The following RBFOX1 variants were observed in gnomAD, a reference collection of about 807,000 sequenced individuals.
RBFOX1 encodes the protein RNA binding fox-1 homolog 1, also known as RNA binding protein fox-1 homolog 1.
Under a neutral mutation model 57.7 loss-of-function variants are expected in RBFOX1, and 8 were observed. The ratio of observed to expected loss-of-function variants is 0.14; its 90% CI spans 0.08 to 0.25. The LOEUF is 0.25. RBFOX1 is among the 10% of genes least tolerant of loss of function. The pLI is 1.00. For missense variants in RBFOX1, 611 were observed against 548.5 expected, an observed-to-expected ratio of 1.11 and a Z score of -1.14; for synonymous variants, 326 against 222.4, an observed-to-expected ratio of 1.47 and a Z score of -4.15.
intron 1 of RBFOX1, among the ~76,000 whole-genome samples, chr16:6,279,646 A>G (rs140127367): frequency 6.6e-6 from 1 of 152,294 alleles, no homozygotes; most frequent in African/African-American, 2.4e-5. Context: ...TAGGGAGAAG[A>G]GAAACATAAA....
chr16:6,828,903 C>T (rs1279750542), intron 3 of RBFOX1, among the ~76,000 whole-genome samples: 1 of 152,132 alleles, frequency 6.6e-6, no homozygotes, highest in East Asian at 1.9e-4. Flanking sequence ...GGTAGCAGCC[C>T]CAAATCCCCT....
rs370115661 is a variant in RBFOX1, at chr16:6,243,144, CTGTGTGTG to C, written c.-126-73835_-126-73828del. Among the ~76,000 whole-genome samples the C allele has an allele frequency of 8.2e-3, 1,202 of 147,406 alleles. 13 individuals carry two copies. The highest frequency in any genetic ancestry group is 0.029 in the African/African-American group (1,154 of 39,492). The stretch of plus-strand genomic sequence containing the variant: ...GATAAATTGATATTTATACGTGTGT[CTGTGTGTG>C]TGTGTGTGTGTGTGTTTATGTACAG... On this transcript the variant is annotated intron_variant, in intron 1 of 15. Transcript: ENST00000550418.
intron 2 of RBFOX1, among the ~76,000 whole-genome samples, chr16:6,544,171 C>G (rs528422897): frequency 5.3e-5 from 8 of 152,148 alleles, no homozygotes; most frequent in Non-Finnish European, 1.2e-4. Context: ...GGTGCTCATC[C>G]CAGGGGCAAC....
intron 10 of RBFOX1, among the ~76,000 whole-genome samples, chr16:7,608,011 C>T (rs530312426): frequency 6.6e-6 from 1 of 152,278 alleles, no homozygotes; most frequent in Admixed American, 6.5e-5. Flanking sequence ...TTTCATGTCT[C>T]GATGTCCTCG....
chr16:7,424,327 T>G (rs2098584283), intron 4 of RBFOX1, among the ~76,000 whole-genome samples: 2 of 152,188 alleles, frequency 1.3e-5, no homozygotes, highest in Non-Finnish European at 2.9e-5. Flanking sequence ...TGATGCAATC[T>G]TTTCTGACTG....
chr16:6,833,234 C>G (rs78904676), intron 3 of RBFOX1, among the ~76,000 whole-genome samples: 1,899 of 151,900 alleles, frequency 0.013, 47 homozygotes, highest in African/African-American at 0.043. Context: ...GGTAAAATCT[C>G]GGCTCATTAC....
intron 2 of RBFOX1, among the ~76,000 whole-genome samples, chr16:6,413,136 A>G (rs973734251): frequency 6.6e-6 from 1 of 152,078 alleles, no homozygotes; most frequent in African/African-American, 2.4e-5. Flanking sequence ...CCTAACCAAC[A>G]TGGAGAAACC....
At chr16:6,556,789 C>G (rs1286282737) in intron 2 of RBFOX1, among the ~76,000 whole-genome samples, 3 of 151,758 alleles carry the variant, frequency 2.0e-5, no homozygotes, top group African/African-American at 7.3e-5. Context: ...ATGACTTAGA[C>G]CTGAAGAGGC....
intron 2 of RBFOX1, among the ~76,000 whole-genome samples, chr16:6,554,244 G>A (rs192832481): frequency 3.3e-5 from 5 of 152,286 alleles, no homozygotes; most frequent in African/African-American, 1.2e-4. Flanking sequence ...GGAGAAAGAA[G>A]CTGGGCAGGA....
At chr16:5,708,119 A>G (rs192135434) in intron 3 of RBFOX1, among the ~76,000 whole-genome samples, 1 of 152,214 alleles carries the variant, frequency 6.6e-6, no homozygotes, top group Admixed American at 6.5e-5. Context: ...GGAACCTCTT[A>G]TTTTCTGAAA....
intron 2 of RBFOX1, among the ~76,000 whole-genome samples, chr16:6,503,367 T>C (rs969702804): frequency 1.8e-4 from 27 of 152,350 alleles, no homozygotes; most frequent in Admixed American, 5.9e-4. Context: ...CTTGTTCTTG[T>C]AACAGTTAGC....
chr16:7,439,955 T>A (rs915617889), intron 4 of RBFOX1, among the ~76,000 whole-genome samples: 1 of 148,904 alleles, frequency 6.7e-6, no homozygotes, highest in African/African-American at 2.5e-5. Flanking sequence ...CTTTCTTTTT[T>A]TTTTTTTTTT....
chr16:6,787,793 C>G (rs981893021), intron 3 of RBFOX1, among the ~76,000 whole-genome samples: 1 of 152,150 alleles, frequency 6.6e-6, no homozygotes, highest in African/African-American at 2.4e-5. Flanking sequence ...TAGTCTTCCT[C>G]CATAATACAA....
intron 3 of RBFOX1, among the ~76,000 whole-genome samples, chr16:5,786,618 T>C (rs565834327): frequency 3.5e-4 from 54 of 152,320 alleles, no homozygotes; most frequent in African/African-American, 1.2e-3. Context: ...GTCTTGGTCC[T>C]ACAGTGAGGT....
intron 3 of RBFOX1, among the ~76,000 whole-genome samples, chr16:6,690,832 C>T (rs931411095): frequency 4.0e-5 from 6 of 150,552 alleles, no homozygotes; most frequent in Non-Finnish European, 7.4e-5. Flanking sequence ...ATTTTCCTTC[C>T]TCTAAATTCA....
intron 1 of RBFOX1, among the ~76,000 whole-genome samples, chr16:5,411,464 C>G (rs1052702163): frequency 5.9e-5 from 9 of 152,168 alleles, no homozygotes; most frequent in Non-Finnish European, 1.0e-4. Flanking sequence ...CTAGAGCATC[C>G]AGGAGGAACA....
intron 1 of RBFOX1, among the ~76,000 whole-genome samples, chr16:6,109,914 T>C (rs1363092634): frequency 6.6e-6 from 1 of 152,182 alleles, no homozygotes; most frequent in African/African-American, 2.4e-5. Context: ...ATGCAGAGCT[T>C]TTCTCCAGTT....
chr16:6,949,645 T>A (rs1328207434), intron 3 of RBFOX1, among the ~76,000 whole-genome samples: 2 of 152,158 alleles, frequency 1.3e-5, no homozygotes, highest in Non-Finnish European at 2.9e-5. Flanking sequence ...GCAGTCAAAT[T>A]GGATTAAATC....
chr16:5,382,350 C>T lies in RBFOX1; in HGVS notation c.220-84866C>T, dbSNP rs573055393. Among the ~76,000 whole-genome samples the T allele has an allele frequency of 1.8e-3, 272 of 151,972 alleles. 1 individual carries two copies. Among genetic ancestry groups the T allele is most frequent in the Non-Finnish European group, 2.1e-3 (143 of 67,992 alleles). On this transcript the variant is annotated intron_variant, in intron 1 of 2. Coordinates refer to the RBFOX1 transcript ENST00000585867. ...TATTCGGGCTGATATTATGTATTAC[C>T]ACTTGTTTGCATTTAGTGCTATGAA...
Sources: allele counts gnomAD v4.1 joint callset (sites outside exome capture counted in the v4.1 genomes callset), GRCh38; gene constraint gnomAD v4.1.1; transcripts MANE v1.5; gene names NCBI Gene and HGNC (gene_info 2026-07-23, HGNC 2026-07-21).